Variants in EXD1 observed in about 807,000 individuals in gnomAD.
EXD1 encodes exonuclease 3'-5' domain containing 1.
In EXD1, 63 loss-of-function variants were observed where a neutral mutation model predicts 49.1. That is an observed-to-expected ratio of 1.28 (90% CI 1.05 to 1.58). EXD1 has a LOEUF of 1.58. Ranked by LOEUF, EXD1 falls within the 40% of genes most tolerant of loss-of-function variation. EXD1 has a pLI of 0.00. For missense variants in EXD1, 748 were observed against 666.0 expected, an observed-to-expected ratio of 1.12 and a Z score of -1.36; for synonymous variants, 234 against 239.2, an observed-to-expected ratio of 0.98 and a Z score of 0.20.
intron 5 of EXD1, among the ~76,000 whole-genome samples, chr15:41,216,317 AAGAG>A (rs950521528): frequency 8.6e-5 from 13 of 151,560 alleles, no homozygotes; most frequent in Admixed American, 2.0e-4. Context: ...AAAAAAAAAA[AAGAG>A]AGAGAGAGCC....
At chr15:41,203,110 GA>G (rs1483345934) in intron 7 of EXD1, among the ~76,000 whole-genome samples, 1 of 152,084 alleles carries the variant, frequency 6.6e-6, no homozygotes, top group Admixed American at 6.6e-5. Context: ...GGGAAATACT[GA>G]CAGAAAGAAA....
At chr15:41,211,720 G>A (rs892700460) in intron 6 of EXD1, among the ~76,000 whole-genome samples, 16 of 151,278 alleles carry the variant, frequency 1.1e-4, no homozygotes, top group Admixed American at 3.3e-4. Context: ...AGTACTTTGG[G>A]AGGCCGAGGA....
intron 2 of EXD1, among the ~76,000 whole-genome samples, chr15:41,223,203 G>A (rs771337316): frequency 1.3e-5 from 2 of 151,856 alleles, no homozygotes; most frequent in African/African-American, 4.8e-5. Flanking sequence ...AGAACTGCTT[G>A]AGCCCAGGAG....
At chr15:41,210,168 G>C (rs1251970676) in intron 6 of EXD1, among the ~76,000 whole-genome samples, 2 of 152,132 alleles carry the variant, frequency 1.3e-5, no homozygotes, top group African/African-American at 2.4e-5. Flanking sequence ...ACCTGCCTCG[G>C]CCTCCCAAAG....
intron 7 of EXD1, among the ~76,000 whole-genome samples, chr15:41,205,879 CTT>C (rs1224144639): frequency 2.3e-4 from 29 of 128,544 alleles, no homozygotes; most frequent in East Asian, 9.0e-4. Context: ...TAAATTTGGT[CTT>C]TTTTTTTTTT....
intron 3 of EXD1, 147 bp downstream of exon 3, chr15:41,219,682 CT>C (rs2140900356): frequency 1.6e-6 from 1 of 611,404 alleles, no homozygotes; most frequent in Non-Finnish European, 2.7e-6. Flanking sequence ...GACTATTTTA[CT>C]CATAGAGTAC....
At chr15:41,192,594 ATTTTTTTTTTT>A (rs59054803) in intron 9 of EXD1, among the ~76,000 whole-genome samples, 5 of 40,876 alleles carry the variant, frequency 1.2e-4, no homozygotes, top group African/African-American at 2.2e-4. Flanking sequence ...TGCGCCAGGC[ATTTTTTTTTTT>A]TTTTTTTTTT....
At chr15:41,190,891 C>A (rs951476655) in intron 10 of EXD1, among the ~76,000 whole-genome samples, 4 of 98,496 alleles carry the variant, frequency 4.1e-5, no homozygotes, top group African/African-American at 1.5e-4. Context: ...TTTAAGAGTG[C>A]TTATTTGTTT....
chr15:41,184,418 C>T lies in EXD1; in HGVS notation c.1232G>A (p.Gly411Asp), dbSNP rs1412302486. Reference sequence around the variant, plus strand: ...CCTAAAATTTTTACCAAATAAGAAGCCTTTGACTTTCTCCTCTTTCCCTGC... The same window carrying T: ...CCTAAAATTTTTACCAAATAAGAAGTCTTTGACTTTCTCCTCTTTCCCTGC... ...ETAGKEEKVK[G>D]FLFGKNFRID... Residue 411 changes from glycine (G) to aspartate (D), a missense_variant, in exon 12 of 12, where the codon GGC becomes GAC. By Grantham distance (94) the Gly-to-Asp change is moderately conservative. Coordinates refer to ENST00000458580, the MANE Select transcript of EXD1 (RefSeq NM_001286441.2). 3 of 1,613,994 alleles carry T rather than the reference C, an allele frequency of 1.9e-6. No homozygotes were observed. Among genetic ancestry groups the T allele is most frequent in the Non-Finnish European group, 2.5e-6 (3 of 1,180,034 alleles).
At position 41,230,614 on chromosome 15, in the gene EXD1, A is replaced by C; in HGVS notation, c.-189T>G. 6.5e-7 allele frequency: 1 copy of C among 1,538,966 alleles called. No individual in the cohort carries two copies. The highest frequency in any genetic ancestry group is 8.9e-7 in the Non-Finnish European group (1 of 1,119,090). ...CTAGAACTAAAAGAAGAGGGGCTGC[A>C]ATGAAGGAAGAAGTCTCGGGACGCT... On this transcript the variant is annotated 5_prime_UTR_variant, in exon 1 of 12. In the 5' UTR this introduces an upstream ATG that the reference lacks. Transcript: ENST00000458580.
At chr15:41,222,556 C>T (rs2047104748) in intron 2 of EXD1, among the ~76,000 whole-genome samples, 1 of 152,076 alleles carries the variant, frequency 6.6e-6, no homozygotes, top group African/African-American at 2.4e-5. Context: ...GCATCCTTTG[C>T]ATCTTTCTAT....
intron 1 of EXD1, among the ~76,000 whole-genome samples, chr15:41,227,436 G>A (rs1285154751): frequency 3.3e-5 from 5 of 152,212 alleles, no homozygotes; most frequent in Non-Finnish European, 7.4e-5. Context: ...TTGGGAGGCC[G>A]AGGTGGGCAG....
intron 9 of EXD1, among the ~76,000 whole-genome samples, chr15:41,192,945 C>A (rs544163727): frequency 5.9e-4 from 89 of 151,920 alleles, no homozygotes; most frequent in African/African-American, 2.0e-3. Flanking sequence ...TACAGGCGCC[C>A]GCCACCACGC....
intron 10 of EXD1, 27 bp downstream of exon 10, chr15:41,191,415 G>A: frequency 6.5e-7 from 1 of 1,528,824 alleles, no homozygotes; most frequent in Non-Finnish European, 8.8e-7. Flanking sequence ...AAAAAATAAT[G>A]TCATACAGGA....
At chr15:41,191,711 C>A in intron 9 of EXD1, 126 bp from the exon 10 acceptor site, 1 of 810,904 alleles carries the variant, frequency 1.2e-6, no homozygotes, top group South Asian at 2.7e-5. Context: ...TAGACCATGT[C>A]ATCGGAAAAT....
chr15:41,191,735 G>A, intron 9 of EXD1, 150 bp from the exon 10 acceptor site: 3 of 718,798 alleles, frequency 4.2e-6, no homozygotes, highest in South Asian at 2.7e-5. Context: ...AAGTTGTTCA[G>A]CCAACTTATT....
intron 10 of EXD1, 109 bp from the exon 11 acceptor site, chr15:41,190,237 G>A (rs1478787682): frequency 8.9e-7 from 1 of 1,119,318 alleles, no homozygotes; most frequent in Non-Finnish European, 1.3e-6. Context: ...CACTCTGGGA[G>A]GCTGAGGCAG....
At chr15:41,199,723 T>TC (rs2046682426) in intron 7 of EXD1, among the ~76,000 whole-genome samples, 9 of 36,304 alleles carry the variant, frequency 2.5e-4, no homozygotes, top group African/African-American at 5.1e-4. Context: ...TATGATATAT[T>TC]ATATATGATA....
chr15:41,193,455 A>G (rs922063847), intron 9 of EXD1, among the ~76,000 whole-genome samples: 3 of 152,050 alleles, frequency 2.0e-5, no homozygotes, highest in African/African-American at 7.2e-5. Context: ...GGGGAAAAAA[A>G]TGGGCCTGGC....
Sources: allele counts gnomAD v4.1 joint callset (sites outside exome capture counted in the v4.1 genomes callset), GRCh38; gene constraint gnomAD v4.1.1; transcripts MANE v1.5; gene names NCBI Gene and HGNC (gene_info 2026-07-23, HGNC 2026-07-21).